The following GALNT14 variants were observed in gnomAD, a reference collection of about 807,000 sequenced individuals.
GALNT14 encodes the protein polypeptide N-acetylgalactosaminyltransferase 14, also known as UDP-GalNAc:polypeptide N-acetylgalactosaminyltransferase 14.
In GALNT14, 60 loss-of-function variants were observed where a neutral mutation model predicts 77.5. The ratio of observed to expected loss-of-function variants is 0.77; its 90% confidence interval spans 0.63 to 0.96. GALNT14 has a LOEUF of 0.96. Among genes scored for constraint, GALNT14 ranks in the 40% least tolerant of loss-of-function variants. The pLI is 0.00. For missense variants in GALNT14, 710 were observed against 731.0 expected, an observed-to-expected ratio of 0.97 and a Z score of 0.33; for synonymous variants, 280 against 281.7, an observed-to-expected ratio of 0.99 and a Z score of 0.06.
At chr2:31,014,687 T>TGA (rs1671239179) in intron 1 of GALNT14, among the ~76,000 whole-genome samples, 2 of 152,190 alleles carry the variant, frequency 1.3e-5, no homozygotes, top group Admixed American at 6.5e-5. Context: ...ACTAGCAGTG[T>TGA]GACCTTGAGC....
At chr2:31,070,250 G>A (rs921442384) in intron 1 of GALNT14, among the ~76,000 whole-genome samples, 4 of 152,136 alleles carry the variant, frequency 2.6e-5, no homozygotes, top group Non-Finnish European at 4.4e-5. Flanking sequence ...TCAGGACCTG[G>A]CACTCACCCA....
intron 1 of GALNT14, among the ~76,000 whole-genome samples, chr2:31,049,640 G>A (rs1673710884): frequency 6.6e-6 from 1 of 152,182 alleles, no homozygotes; most frequent in South Asian, 2.1e-4. Context: ...CAGCCACAGG[G>A]AAAAGCAGGA....
intron 3 of GALNT14, among the ~76,000 whole-genome samples, chr2:30,962,911 G>A (rs999296508): frequency 6.6e-6 from 1 of 152,214 alleles, no homozygotes; most frequent in Non-Finnish European, 1.5e-5. Flanking sequence ...CAACAGGATA[G>A]AGAGTGAAAG....
intron 1 of GALNT14, among the ~76,000 whole-genome samples, chr2:31,115,811 G>A (rs188128584): frequency 2.0e-3 from 304 of 152,230 alleles, no homozygotes; most frequent in African/African-American, 5.9e-3. Flanking sequence ...GAGGCAGGAG[G>A]ATCACTCTAG....
intron 1 of GALNT14, among the ~76,000 whole-genome samples, chr2:31,052,671 T>C (rs1405223961): frequency 6.6e-6 from 1 of 152,106 alleles, no homozygotes; most frequent in African/African-American, 2.4e-5. Flanking sequence ...TCAATCAGCC[T>C]CCACTGCACA....
chr2:30,896,248 G>T, the GALNT14 span, among the ~76,000 whole-genome samples: 1 of 152,218 alleles, frequency 6.6e-6, no homozygotes, highest in African/African-American at 2.4e-5. Context: ...GAGTGATGTA[G>T]AACTACTCAG....
At chr2:31,074,821 G>A (rs576825957) in intron 1 of GALNT14, among the ~76,000 whole-genome samples, 60 of 152,250 alleles carry the variant, frequency 3.9e-4, no homozygotes, top group Non-Finnish European at 7.5e-4. Flanking sequence ...TAGAGACACT[G>A]ACTCTCTTGA....
chr2:30,956,018 T>C (rs376171455), intron 4 of GALNT14, 41 bp from the exon 5 acceptor site: 112 of 1,600,100 alleles, frequency 7.0e-5, no homozygotes, highest in Non-Finnish European at 9.3e-5. Context: ...CGCCCAGGGA[T>C]GGACCTACGT....
intron 10 of GALNT14, among the ~76,000 whole-genome samples, chr2:30,931,014 A>G (rs1034592615): frequency 3.3e-5 from 5 of 152,222 alleles, no homozygotes; most frequent in African/African-American, 1.2e-4. Flanking sequence ...GCTCCTGCAG[A>G]GCCACCACTT....
intron 1 of GALNT14, among the ~76,000 whole-genome samples, chr2:31,034,756 T>C (rs1293682695): frequency 6.6e-6 from 1 of 152,230 alleles, no homozygotes; most frequent in Non-Finnish European, 1.5e-5. Context: ...AGCAGTGCTT[T>C]ACTTTAGCTG....
At chr2:30,926,246 A>T (rs1028536104) in intron 11 of GALNT14, among the ~76,000 whole-genome samples, 3 of 152,174 alleles carry the variant, frequency 2.0e-5, no homozygotes, top group African/African-American at 7.2e-5. Context: ...AGACTTGGTG[A>T]TCATTTGGAT....
At chr2:31,035,600 TACACACACACACACACCTACACACACAC>T (rs1448823259) in intron 1 of GALNT14, among the ~76,000 whole-genome samples, 12 of 49,582 alleles carry the variant, frequency 2.4e-4, no homozygotes, top group Non-Finnish European at 3.4e-4. Flanking sequence ...CATATACATA[TACACACACACACACACCTACACACACAC>T]ACACACACAC....
At chr2:30,924,351 G>C (rs1665224117) in intron 12 of GALNT14, 88 bp from the exon 13 acceptor site, 4 of 1,390,142 alleles carry the variant, frequency 2.9e-6, no homozygotes, top group Non-Finnish European at 4.1e-6. Flanking sequence ...AGTGTTCTGA[G>C]AATGGCAGGG....
At chr2:30,942,621 G>A (rs1167701869) in intron 8 of GALNT14, among the ~76,000 whole-genome samples, 1 of 152,116 alleles carries the variant, frequency 6.6e-6, no homozygotes, top group Admixed American at 6.5e-5. Flanking sequence ...CTGCTATTCC[G>A]ATGACCCAGG....
intron 9 of GALNT14, among the ~76,000 whole-genome samples, chr2:30,937,072 C>T (rs1666099346): frequency 6.6e-6 from 1 of 152,212 alleles, no homozygotes; most frequent in African/African-American, 2.4e-5. Flanking sequence ...GGGGGAAAAG[C>T]TGACTTGCTA....
the GALNT14 span, among the ~76,000 whole-genome samples, chr2:30,903,289 G>C: frequency 2.0e-5 from 3 of 152,262 alleles, no homozygotes; most frequent in Non-Finnish European, 4.4e-5. Context: ...AGTTCCTGTG[G>C]TTGGCAGATT....
intron 1 of GALNT14, among the ~76,000 whole-genome samples, chr2:31,070,676 A>G (rs1220336211): frequency 1.3e-5 from 2 of 152,336 alleles, no homozygotes; most frequent in African/African-American, 4.8e-5. Flanking sequence ...CTTGCCTCCT[A>G]AAGTCTGAAT....
intron 2 of GALNT14, among the ~76,000 whole-genome samples, chr2:30,987,631 G>C (rs1045038090): frequency 6.6e-6 from 1 of 152,236 alleles, no homozygotes; most frequent in East Asian, 1.9e-4. Context: ...CTTGTAAGGG[G>C]TCCACACCGC....
the GALNT14 span, among the ~76,000 whole-genome samples, chr2:30,890,237 T>C: frequency 6.6e-6 from 1 of 152,176 alleles, no homozygotes; most frequent in South Asian, 2.1e-4. Flanking sequence ...TCTGGGAAGA[T>C]AGAGAGGAGA....
Sources: gnomAD v4.1 joint callset for allele counts (sites outside exome capture counted in the v4.1 genomes callset) on GRCh38, gnomAD v4.1.1 for gene constraint, MANE v1.5 for transcripts, NCBI Gene and HGNC (gene_info 2026-07-23, HGNC 2026-07-21) for gene names.